Variants in PLCH2 observed in about 807,000 individuals in gnomAD.
PLCH2 encodes 1-phosphatidylinositol 4,5-bisphosphate phosphodiesterase eta-2.
A neutral mutation model predicts 134.7 loss-of-function variants in PLCH2; 98 were observed. The ratio of observed to expected loss-of-function variants is 0.73; its 90% CI spans 0.62 to 0.86. PLCH2 has a LOEUF of 0.86. Ranked by LOEUF, PLCH2 falls within the 40% of genes least tolerant of loss-of-function variation. The probability of loss-of-function intolerance (pLI) is 0.00; values close to 1 mark genes in which losing one functional copy is unlikely to be tolerated. For synonymous variants in PLCH2, 974 were observed against 827.5 expected, an observed-to-expected ratio of 1.18 and a Z score of -3.04; for missense variants, 1,994 against 1,986.6, an observed-to-expected ratio of 1.00 and a Z score of -0.07.
rs985082930 is a variant in PLCH2 at position 2,498,401 on chromosome 1, C to G, written c.2225-122C>G. 2.0e-5 allele frequency: 23 copies of G among 1,163,518 alleles called. No homozygotes were observed. Among genetic ancestry groups the G allele is most frequent in the Admixed American group, 2.6e-5 (1 of 38,480 alleles). 72.1% of individuals were successfully genotyped at this position (1,163,518 alleles called of 1,614,324 possible). On this transcript the variant is annotated intron_variant, in intron 16 of 21. Coordinates refer to ENST00000378486, the MANE Select transcript of PLCH2 (RefSeq NM_014638.4). This position sits in a 1 kb window ranked among gnomAD's most constrained non-coding sequence, Gnocchi z 5.4. ...CTGGACCACTGCCTCCCTCCCTCCC[C>G]CTGGCACCGGCTCCAGTCTCCTATG...
At chr1:2,420,153 GC>G in the PLCH2 span, among the ~76,000 whole-genome samples, 1 of 151,904 alleles carries the variant, frequency 6.6e-6, no homozygotes, top group African/African-American at 2.4e-5. Context: ...ACTCAGACAG[GC>G]CCCCCGCCCC....
chr1:2,449,137 C>T (rs1471319785), intron 2 of PLCH2, among the ~76,000 whole-genome samples: 2 of 142,182 alleles, frequency 1.4e-5, no homozygotes, highest in African/African-American at 5.1e-5. Flanking sequence ...TCAGCACCCC[C>T]ACCCCCCGCC....
intron 1 of PLCH2, among the ~76,000 whole-genome samples, chr1:2,477,949 T>A (rs1033854167): frequency 1.3e-5 from 2 of 152,116 alleles, no homozygotes; most frequent in African/African-American, 2.4e-5. Context: ...GGCATGGGGT[T>A]GCTGCCTGCT....
At position 2,495,586 on chromosome 1, in the gene PLCH2, C is replaced by G; in HGVS notation, c.1835+16C>G. On this transcript the variant is annotated intron_variant, in intron 13 of 21. Coordinates refer to ENST00000378486, the MANE Select transcript of PLCH2 (RefSeq NM_014638.4). ...AGAGCCGAGGGTAGGTGCCCTGCCC[C>G]ACGGGGAGGCCCCGCACACTCCTGG... 1.3e-6 allele frequency: 2 copies of G among 1,524,964 alleles called. No individual in the cohort carries two copies. The highest frequency in any genetic ancestry group is 1.8e-6 in the Non-Finnish European group (2 of 1,128,898). The allele number at this position is 1,524,964 out of a possible 1,614,324, so 94.5% of individuals were successfully genotyped here.
chr1:2,450,419 C>A (rs749024532), intron 2 of PLCH2, among the ~76,000 whole-genome samples: 2 of 151,920 alleles, frequency 1.3e-5, no homozygotes, highest in Non-Finnish European at 2.9e-5. Flanking sequence ...ATGTTTCCCG[C>A]GGCATTCAGA....
At chr1:2,428,523 C>T (rs532340260) in intron 1 of PLCH2, among the ~76,000 whole-genome samples, 6 of 152,386 alleles carry the variant, frequency 3.9e-5, no homozygotes, top group South Asian at 4.1e-4. Context: ...GTGGGGCCCA[C>T]GCCAACGGCT....
chr1:2,463,190 G>A (rs1454259962), upstream of PLCH2, among the ~76,000 whole-genome samples: 3 of 152,118 alleles, frequency 2.0e-5, no homozygotes, highest in East Asian at 1.9e-4. Context: ...GGGCCAGTGC[G>A]ACTGTTGTGG....
chr1:2,471,980 T>C (rs1016903664), upstream of PLCH2, among the ~76,000 whole-genome samples: 1 of 152,116 alleles, frequency 6.6e-6, no homozygotes, highest in African/African-American at 2.4e-5. Context: ...GTCCCTGCGG[T>C]GCCCTCCAGG....
chr1:2,445,046 G>A (rs1639877814), intron 2 of PLCH2, among the ~76,000 whole-genome samples: 1 of 152,108 alleles, frequency 6.6e-6, no homozygotes, highest in Non-Finnish European at 1.5e-5. Context: ...AAGCCAGCCT[G>A]TTGGTCTCCC....
chr1:2,481,501 G>C (rs1412272102), intron 4 of PLCH2, among the ~76,000 whole-genome samples: 1 of 152,246 alleles, frequency 6.6e-6, no homozygotes, highest in Non-Finnish European at 1.5e-5. Context: ...GGGCAGCAGG[G>C]TGGCTTAGGG....
rs1237686334 is a variant in PLCH2 at position 2,476,318 on chromosome 1, G to A, written c.-271G>A. 1.1e-5 allele frequency: 4 copies of A among 373,658 alleles called. No individual in the cohort carries two copies. The highest frequency in any genetic ancestry group is 2.1e-5 in the African/African-American group (1 of 48,150). The allele number at this position is 373,658 out of a possible 1,614,324, so 23.1% of individuals were successfully genotyped here. On this transcript the variant is annotated 5_prime_UTR_variant, in exon 1 of 22. Coordinates refer to ENST00000378486, the MANE Select transcript of PLCH2 (RefSeq NM_014638.4). ...TTTGCTCCCCCAGCCTTGGGAGGCG[G>A]CTGCGTCAGGGATTCCTTGGTGGCC...
upstream of PLCH2, among the ~76,000 whole-genome samples, chr1:2,471,985 T>C (rs1334560815): frequency 6.6e-6 from 1 of 152,070 alleles, no homozygotes; most frequent in Non-Finnish European, 1.5e-5. Flanking sequence ...TGCGGTGCCC[T>C]CCAGGTGTGC....
Position 2,504,159 on chromosome 1 carries a change from G to A in PLCH2, c.3197G>A (p.Gly1066Glu). Residue 1066 changes from glycine (G) to glutamate (E), a missense_variant, in exon 22 of 22, where the codon GGG becomes GAG. Physicochemically the swap from Gly to Glu is moderately conservative, Grantham distance 98. Transcript: ENST00000378486. ...CCGTGCAACGGCGAGGGCGCCGGCG[G>A]GGCATACGAGAGGGCCCCCGGCAGC... ...PRPCNGEGAG[G>E]AYERAPGSQT... 1 of 1,525,998 alleles carries A rather than the reference G, an allele frequency of 6.6e-7. No individual in the cohort carries two copies. The allele number at this position is 1,525,998 out of a possible 1,614,324, so 94.5% of individuals were successfully genotyped here.
intron 1 of PLCH2, among the ~76,000 whole-genome samples, chr1:2,428,245 G>T (rs1346346079): frequency 2.0e-5 from 3 of 152,244 alleles, no homozygotes; most frequent in Admixed American, 6.5e-5. Flanking sequence ...TTAGGCCAGG[G>T]TCTGGGCTCC....
Position 2,491,280 on chromosome 1 carries a change from A to G in PLCH2, c.1604A>G (p.Asp535Gly). ...GAGTCGAAGATTCGGGACTGTGAGG[A>G]CCCCAACAACTTCTCCGTCTCCACA... ...IKESKIRDCE[D>G]PNNFSVSTLS... is the part of the protein sequence containing the mutation. Residue 535 changes from aspartate (D) to glycine (G), a missense_variant, in exon 11 of 22, where the codon GAC becomes GGC. Asp to Gly is a moderately conservative substitution (Grantham distance 94, BLOSUM62 -1). Coordinates refer to ENST00000378486, the MANE Select transcript of PLCH2 (RefSeq NM_014638.4). 6.2e-7 allele frequency: 1 copy of G among 1,613,232 alleles called. No homozygotes were observed. The highest frequency in any genetic ancestry group is 2.2e-5 in the East Asian group (1 of 44,866).
At position 2,505,498 on chromosome 1, in the gene PLCH2, T is replaced by C; in HGVS notation, c.*285T>C. ...TATTTAAATTTTTAGAAGCAAAACT[T>C]ATACAACATTAAAATGATACCAAGT... On this transcript the variant is annotated 3_prime_UTR_variant, in exon 22 of 22. Coordinates refer to ENST00000378486, the MANE Select transcript of PLCH2 (RefSeq NM_014638.4). 6.2e-6 allele frequency: 3 copies of C among 482,154 alleles called. No homozygotes were observed. Among genetic ancestry groups the C allele is most frequent in the South Asian group, 5.7e-5 (2 of 35,190 alleles). 29.9% of individuals were successfully genotyped at this position (482,154 alleles called of 1,614,324 possible). A position where few individuals can be genotyped will look rare whatever the true frequency, so the allele number is the denominator to read the frequency against.
chr1:2,417,330 G>A, the PLCH2 span, among the ~76,000 whole-genome samples: 6 of 152,286 alleles, frequency 3.9e-5, no homozygotes, highest in East Asian at 1.2e-3. Context: ...GTGAGGGAGG[G>A]CTCTGTCCAT....
In PLCH2 at chr1:2,439,734, G is replaced by A. The variant is rs766893818; in HGVS notation, c.115+9105G>A. ...TGGGGCTGACACTGCCACCCTCGGG[G>A]GAGAGTCCCGGGGTCCGTGGGGAGA... On this transcript the variant is annotated intron_variant, in intron 2 of 3. Transcript: ENST00000609981. The surrounding 1 kb of genome is among the most constrained non-coding windows in gnomAD (Gnocchi z 4.7). Among the ~76,000 whole-genome samples, 16 of 152,184 alleles carry A rather than the reference G, an allele frequency of 1.1e-4. No individual in the cohort carries two copies. The highest frequency in any genetic ancestry group is 1.9e-4 in the Non-Finnish European group (13 of 68,038).
At position 2,505,120 on chromosome 1, in the gene PLCH2, C is replaced by T. The variant is rs1485311700; in HGVS notation, c.4158C>T (p.Gly1386=). The change falls in exon 22 of 22, where the codon GGC becomes GGT. Residue 1386 remains glycine, a synonymous_variant. Coordinates refer to ENST00000378486, the MANE Select transcript of PLCH2 (RefSeq NM_014638.4). ...RGTPEGACSV[G]HEGSVDAPAP... ...CCCCCGAGGGCGCCTGCTCCGTGGG[C>T]CACGAGGGCAGTGTGGATGCACCAG... 5.2e-6 allele frequency: 8 copies of T among 1,548,276 alleles called. No individual in the cohort carries two copies. Among genetic ancestry groups the T allele is most frequent in the Non-Finnish European group, 6.9e-6 (8 of 1,155,796 alleles).
Sources: allele counts gnomAD v4.1 joint callset (sites outside exome capture counted in the v4.1 genomes callset), GRCh38; gene constraint gnomAD v4.1.1; non-coding constraint Gnocchi (gnomAD v3.1); transcripts MANE v1.5; gene names NCBI Gene and HGNC (gene_info 2026-07-23, HGNC 2026-07-21).